The following FRMD3 variants were observed in gnomAD, a reference collection of about 807,000 sequenced individuals.
FRMD3 encodes FERM domain containing 3.
In FRMD3, 33 loss-of-function variants were observed where a neutral mutation model predicts 70.2. The ratio of observed to expected loss-of-function variants is 0.47; its 90% confidence interval spans 0.36 to 0.63. The LOEUF is 0.63. Among genes scored for constraint, FRMD3 ranks in the 20% least tolerant of loss-of-function variants. FRMD3 has a pLI of 0.00. For missense variants in FRMD3, 632 were observed against 711.4 expected, an observed-to-expected ratio of 0.89 and a Z score of 1.27; for synonymous variants, 279 against 255.9, an observed-to-expected ratio of 1.09 and a Z score of -0.86.
At chr9:83,256,124 T>A (rs935632454) in intron 13 of FRMD3, among the ~76,000 whole-genome samples, 3 of 152,112 alleles carry the variant, frequency 2.0e-5, no homozygotes, top group Non-Finnish European at 4.4e-5. Flanking sequence ...CAAACTATAC[T>A]ACAAGGCTAC....
chr9:83,341,314 T>C (rs1401906282), intron 5 of FRMD3, among the ~76,000 whole-genome samples: 2 of 152,130 alleles, frequency 1.3e-5, no homozygotes, highest in East Asian at 1.9e-4. Flanking sequence ...TCAGTAATAA[T>C]AGCAATGAGG....
rs935278004 is a variant in FRMD3, at chr9:83,372,942, G to A, written c.266C>T (p.Pro89Leu). Residue 89 changes from proline (P) to leucine (L), a missense_variant, in exon 3 of 14, where the codon CCT becomes CTT. This residue lies in a region of FRMD3 where 208 missense variants were observed against 247.7 expected (regional missense o/e 0.84). Transcript: ENST00000304195. Reference protein sequence around the residue: ...DPEKQRHWLEPNKSIFKQMKT... With the variant: ...DPEKQRHWLELNKSIFKQMKT... ...CATTTGCTTGAAGATGGACTTGTTA[G>A]GTTCAAGCCAGTGCTAGGGAGGAAA... 1 of 1,608,350 alleles carries A rather than the reference G, an allele frequency of 6.2e-7. No individual in the cohort carries two copies. The highest frequency in any genetic ancestry group is 1.1e-5 in the South Asian group (1 of 90,864).
At chr9:83,438,459 G>A (rs7037329) in intron 1 of FRMD3, among the ~76,000 whole-genome samples, 73,204 of 151,710 alleles carry the variant, frequency 0.48, 18,536 homozygotes, top group African/African-American at 0.66. Flanking sequence ...TTACTCTCTC[G>A]CCCAGGCTGG....
chr9:83,478,892 A>G (rs1828462509), intron 1 of FRMD3, among the ~76,000 whole-genome samples: 1 of 152,134 alleles, frequency 6.6e-6, no homozygotes, highest in Non-Finnish European at 1.5e-5. Context: ...TCTGCATATT[A>G]TGTTGTAATT....
intron 1 of FRMD3, among the ~76,000 whole-genome samples, chr9:83,497,992 A>G (rs34560827): frequency 6.6e-6 from 1 of 152,202 alleles, no homozygotes; most frequent in Non-Finnish European, 1.5e-5. Flanking sequence ...TACTAAAAAT[A>G]CAAAAATTAG....
intron 13 of FRMD3, among the ~76,000 whole-genome samples, chr9:83,253,835 A>G (rs1232592222): frequency 1.3e-5 from 2 of 152,210 alleles, no homozygotes; most frequent in Admixed American, 6.5e-5. Flanking sequence ...TTGTGGCACT[A>G]TTCACACTGG....
In FRMD3 at chr9:83,247,381, C is replaced by CTTTT; in HGVS notation, c.*536_*537insAAAA. The CTTTT allele has an allele frequency of 1.2e-6, 1 of 818,898 alleles. No homozygotes were observed. The highest frequency in any genetic ancestry group is 3.5e-5 in the African/African-American group (1 of 28,430). 50.7% of individuals were successfully genotyped at this position (818,898 alleles called of 1,614,324 possible). ...TGTACATGTAAATAACTCCAGGAGG[C>CTTTT]TTCTTTTTTTTTTTTGCTAAAAATT... On this transcript the variant is annotated 3_prime_UTR_variant, in exon 14 of 14. Coordinates refer to ENST00000304195, the MANE Select transcript of FRMD3 (RefSeq NM_174938.6).
At chr9:83,325,118 C>G (rs560051774) in intron 6 of FRMD3, among the ~76,000 whole-genome samples, 1 of 152,278 alleles carries the variant, frequency 6.6e-6, no homozygotes, top group East Asian at 1.9e-4. Flanking sequence ...TAATGTGTCA[C>G]ATGGACATAG....
At position 83,313,641 on chromosome 9, in the gene FRMD3, T is replaced by G. The variant is rs764429229; in HGVS notation, c.684+19A>C. The G allele has an allele frequency of 6.3e-7, 1 of 1,592,554 alleles. No homozygotes were observed. Among genetic ancestry groups the G allele is most frequent in the Non-Finnish European group, 8.6e-7 (1 of 1,160,380 alleles). On this transcript the variant is annotated intron_variant, in intron 7 of 13. Transcript: ENST00000304195. The stretch of plus-strand genomic sequence containing the variant: ...GCAAAACAACCATTATATGGTGACC[T>G]GCTGTGAGGGGCAGTTACCTTGCAT...
At chr9:83,573,944 A>C in the FRMD3 span, among the ~76,000 whole-genome samples, 1 of 152,144 alleles carries the variant, frequency 6.6e-6, no homozygotes, top group Non-Finnish European at 1.5e-5. Context: ...GAGTTCCACC[A>C]CTGTAAGCGT....
chr9:83,310,224 T>C (rs1835299264), intron 9 of FRMD3, among the ~76,000 whole-genome samples: 1 of 152,244 alleles, frequency 6.6e-6, no homozygotes, highest in African/African-American at 2.4e-5. Context: ...AGAGGTTCCA[T>C]CTTTTATTTC....
chr9:83,275,624 A>G (rs1207497002), intron 13 of FRMD3, among the ~76,000 whole-genome samples: 1 of 152,212 alleles, frequency 6.6e-6, no homozygotes, highest in Non-Finnish European at 1.5e-5. Flanking sequence ...GAACATCATT[A>G]TGCAACAAGC....
chr9:83,580,863 C>T, the FRMD3 span, among the ~76,000 whole-genome samples: 1 of 151,902 alleles, frequency 6.6e-6, no homozygotes, highest in East Asian at 1.9e-4. Context: ...CCACAATGTA[C>T]CCCATGAATG....
intron 12 of FRMD3, among the ~76,000 whole-genome samples, chr9:83,294,696 A>G (rs1002701604): frequency 1.3e-5 from 2 of 152,200 alleles, no homozygotes; most frequent in Non-Finnish European, 1.5e-5. Context: ...AGACGCTTAT[A>G]TGGGCAAACT....
intron 13 of FRMD3, among the ~76,000 whole-genome samples, chr9:83,262,028 G>A (rs1372880831): frequency 6.6e-6 from 1 of 152,174 alleles, no homozygotes; most frequent in Non-Finnish European, 1.5e-5. Context: ...ATATAAAAAT[G>A]TCTGCAAGGT....
chr9:83,444,178 G>A (rs528324076), intron 1 of FRMD3, among the ~76,000 whole-genome samples: 1 of 152,348 alleles, frequency 6.6e-6, no homozygotes, highest in South Asian at 2.1e-4. Context: ...ACAAGACAGG[G>A]AGACCCAGAA....
At chr9:83,541,160 A>C (rs1829995204), upstream of FRMD3, among the ~76,000 whole-genome samples, 1 of 152,162 alleles carries the variant, frequency 6.6e-6, no homozygotes. Context: ...ACCATCTCTG[A>C]CTACTCTCAC....
intron 1 of FRMD3, among the ~76,000 whole-genome samples, chr9:83,493,776 C>T (rs1052486133): frequency 3.3e-5 from 5 of 152,206 alleles, no homozygotes; most frequent in African/African-American, 1.2e-4. Flanking sequence ...GGAAAGGCAG[C>T]TCTTACCCAG....
intron 13 of FRMD3, among the ~76,000 whole-genome samples, chr9:83,253,277 A>T (rs1832515340): frequency 1.3e-5 from 2 of 152,190 alleles, no homozygotes; most frequent in Admixed American, 1.3e-4. Context: ...CTCTTGGGTA[A>T]ATAATAAAAT....
Sources: allele counts gnomAD v4.1 joint callset (sites outside exome capture counted in the v4.1 genomes callset), GRCh38; gene constraint gnomAD v4.1.1; regional missense constraint gnomAD v4.1.1; transcripts MANE v1.5; gene names NCBI Gene and HGNC (gene_info 2026-07-23, HGNC 2026-07-21).